The following ARHGAP25 variants were observed in gnomAD, a reference collection of about 807,000 sequenced individuals.
ARHGAP25 encodes rho GTPase-activating protein 25.
Under a neutral mutation model 71.0 loss-of-function variants are expected in ARHGAP25, and 34 were observed. That is an observed-to-expected ratio of 0.48 (90% CI 0.36 to 0.64). The LOEUF (loss-of-function observed/expected upper bound fraction) is 0.64, where lower values mean the gene tolerates loss of function less well. ARHGAP25 is among the 30% of genes least tolerant of loss of function. ARHGAP25 has a pLI of 0.00. For missense variants in ARHGAP25, 706 were observed against 805.1 expected (o/e 0.88, Z 1.49); for synonymous variants, 282 against 296.5 (o/e 0.95, Z 0.50).
upstream of ARHGAP25, among the ~76,000 whole-genome samples, chr2:68,734,310 A>G (rs1005914333): frequency 1.3e-5 from 2 of 152,156 alleles, no homozygotes; most frequent in Admixed American, 6.5e-5. Context: ...CCTGATTCTA[A>G]AGCCCACACC....
intron 3 of ARHGAP25, among the ~76,000 whole-genome samples, chr2:68,785,596 A>G (rs573795466): frequency 6.6e-6 from 1 of 151,794 alleles, no homozygotes; most frequent in South Asian, 2.1e-4. Flanking sequence ...TAATATCTCC[A>G]TTGTACTGGT....
At chr2:68,787,744 A>G in intron 3 of ARHGAP25, 96 bp from the exon 4 acceptor site, 1 of 963,266 alleles carries the variant, frequency 1.0e-6, no homozygotes. Context: ...GCTTCATTGA[A>G]CCAAGACATC....
chr2:68,716,553 G>C (rs777731619), intron 2 of ARHGAP25, among the ~76,000 whole-genome samples: 3 of 152,144 alleles, frequency 2.0e-5, no homozygotes, highest in Non-Finnish European at 4.4e-5. Flanking sequence ...CCTGAAGCTT[G>C]GGTGGACATC....
At chr2:68,738,875 C>G (rs944625554) in intron 1 of ARHGAP25, among the ~76,000 whole-genome samples, 5 of 151,316 alleles carry the variant, frequency 3.3e-5, no homozygotes, top group African/African-American at 1.2e-4. Flanking sequence ...CAGTGAACAG[C>G]TACACAAGGG....
intron 1 of ARHGAP25, among the ~76,000 whole-genome samples, chr2:68,760,747 C>G (rs1291711881): frequency 1.3e-5 from 2 of 151,664 alleles, no homozygotes; most frequent in Admixed American, 6.6e-5. Flanking sequence ...AGACTTAATA[C>G]TATCCAAACC....
rs75532879 is a variant in ARHGAP25, at chr2:68,802,446, T to C, written c.467-4827T>C. Among the ~76,000 whole-genome samples, 990 of 151,136 alleles carry C rather than the reference T, an allele frequency of 6.6e-3. 4 individuals are homozygous for C. The highest frequency in any genetic ancestry group is 0.023 in the African/African-American group (932 of 41,180). ...AAAAAAAAAGAATGTGCCAACCTAT[T>C]TGGGGAGAGTGAAGAGTGTTGCGGA... On this transcript the variant is annotated intron_variant, in intron 4 of 10. Transcript: ENST00000409202.
At chr2:68,779,339 G>T (rs975984044) in intron 2 of ARHGAP25, among the ~76,000 whole-genome samples, 1 of 152,132 alleles carries the variant, frequency 6.6e-6, no homozygotes, top group African/African-American at 2.4e-5. Context: ...CCACCACACA[G>T]ATAGAATAGA....
chr2:68,742,932 T>G (rs1675597122), intron 1 of ARHGAP25, among the ~76,000 whole-genome samples: 1 of 152,250 alleles, frequency 6.6e-6, no homozygotes, highest in Admixed American at 6.5e-5. Context: ...GTCAATTTTG[T>G]CTGCATGGCT....
intron 2 of ARHGAP25, among the ~76,000 whole-genome samples, chr2:68,722,917 C>T (rs1010821825): frequency 3.3e-5 from 5 of 152,208 alleles, no homozygotes; most frequent in Non-Finnish European, 7.3e-5. Flanking sequence ...ACTCTCCAAA[C>T]GGGAGAGGTG....
chr2:68,739,687 A>G (rs977426664), intron 1 of ARHGAP25, among the ~76,000 whole-genome samples: 1 of 152,150 alleles, frequency 6.6e-6, no homozygotes, highest in Non-Finnish European at 1.5e-5. Context: ...ATTGAGACCA[A>G]ATAGTACCGG....
At chr2:68,751,227 G>A (rs1676154570) in intron 1 of ARHGAP25, among the ~76,000 whole-genome samples, 1 of 152,202 alleles carries the variant, frequency 6.6e-6, no homozygotes. Context: ...CCCAGCCAAT[G>A]GGGGGTGCTG....
chr2:68,750,862 A>G (rs929180427), intron 1 of ARHGAP25, among the ~76,000 whole-genome samples: 1 of 152,232 alleles, frequency 6.6e-6, no homozygotes, highest in Non-Finnish European at 1.5e-5. Flanking sequence ...TTAAGGGGTT[A>G]CTGAAACCAA....
At chr2:68,792,724 T>C (rs1679272688) in intron 4 of ARHGAP25, among the ~76,000 whole-genome samples, 1 of 152,226 alleles carries the variant, frequency 6.6e-6, no homozygotes, top group Non-Finnish European at 1.5e-5. Flanking sequence ...GTAATAATCA[T>C]GTGAGAAACA....
At chr2:68,737,343 G>A (rs944181505) in intron 1 of ARHGAP25, among the ~76,000 whole-genome samples, 24 of 152,188 alleles carry the variant, frequency 1.6e-4, no homozygotes, top group Admixed American at 1.4e-3. Flanking sequence ...GTGGAACTGG[G>A]AGTTATGTCA....
intron 2 of ARHGAP25, among the ~76,000 whole-genome samples, chr2:68,779,737 A>G (rs2104384949): frequency 6.6e-6 from 1 of 152,322 alleles, no homozygotes; most frequent in East Asian, 1.9e-4. Flanking sequence ...CACCCCAGTC[A>G]ACTTGCTAAG....
intron 1 of ARHGAP25, among the ~76,000 whole-genome samples, chr2:68,751,846 G>C (rs1309642708): frequency 6.6e-6 from 1 of 152,204 alleles, no homozygotes; most frequent in Non-Finnish European, 1.5e-5. Flanking sequence ...ATGGCCTGCT[G>C]AAGGCTGGTC....
Position 68,787,940 on chromosome 2 carries a change from T to C in ARHGAP25, c.450T>C (p.Ala150=). Reference sequence around the variant, plus strand: ...GGGTTAAATTCCTCAGGAGAGTTGCTGGCACACCCTGTGGAGGTAAGGACC... The same window carrying C: ...GGGTTAAATTCCTCAGGAGAGTTGCCGGCACACCCTGTGGAGGTAAGGACC... ...EEWVKFLRRV[A]GTPCGAVFGQ... is the part of the protein sequence containing the mutation. The change falls in exon 4 of 11, where the codon GCT becomes GCC. Residue 150 remains alanine (A), a synonymous_variant. Transcript: ENST00000409202. 1.2e-6 allele frequency: 2 copies of C among 1,614,188 alleles called. No individual in the cohort carries two copies. Among genetic ancestry groups the C allele is most frequent in the Non-Finnish European group, 1.7e-6 (2 of 1,179,998 alleles).
Position 68,826,497 on chromosome 2 carries a change from C to A in ARHGAP25, c.*303C>A, listed in dbSNP as rs1011894384. ...GAGGCAGCACATCTCAGGACCCAGG[C>A]AATAGACTGGCCCCAACTCAGGCTG... On this transcript the variant is annotated 3_prime_UTR_variant, in exon 11 of 11. Transcript: ENST00000409202. The A allele has an allele frequency of 6.4e-6, 3 of 467,348 alleles. No individual in the cohort carries two copies. Among genetic ancestry groups the A allele is most frequent in the South Asian group, 2.0e-5 (1 of 50,536 alleles). 29.0% of individuals were successfully genotyped at this position (467,348 alleles called of 1,614,324 possible).
chr2:68,712,521 C>T (rs1028516020), intron 2 of ARHGAP25, among the ~76,000 whole-genome samples: 10 of 152,116 alleles, frequency 6.6e-5, no homozygotes, highest in Admixed American at 1.3e-4. Context: ...AATTAGATCC[C>T]ATCTGTCTAT....
Sources: gnomAD v4.1 joint callset for allele counts (sites outside exome capture counted in the v4.1 genomes callset) on GRCh38, gnomAD v4.1.1 for gene constraint, MANE v1.5 for transcripts, NCBI Gene and HGNC (gene_info 2026-07-23, HGNC 2026-07-21) for gene names.